Variants in TNIK observed in about 807,000 individuals in gnomAD.
TNIK encodes TRAF2 and NCK interacting kinase.
A neutral mutation model predicts 191.3 loss-of-function variants in TNIK; 49 were observed. That is an observed-to-expected ratio of 0.26 (90% CI 0.20 to 0.32). The LOEUF is 0.32. Among genes scored for constraint, TNIK ranks in the 10% least tolerant of loss-of-function variants. The pLI, the probability that TNIK is intolerant of heterozygous loss-of-function variation, is 1.00. For missense variants in TNIK, 1,155 were observed against 1,702.3 expected (o/e 0.68, Z 5.66); for synonymous variants, 594 against 600.9 (o/e 0.99, Z 0.17).
intron 10 of TNIK, among the ~76,000 whole-genome samples, chr3:171,163,612 A>C (rs367941170): frequency 2.8e-4 from 42 of 152,356 alleles, no homozygotes; most frequent in African/African-American, 1.0e-3. Context: ...TGCATAAAGC[A>C]TTTTAATACT....
intron 1 of TNIK, among the ~76,000 whole-genome samples, chr3:171,452,175 C>G (rs1728244387): frequency 6.6e-6 from 1 of 152,132 alleles, no homozygotes; most frequent in Non-Finnish European, 1.5e-5. Flanking sequence ...TCTTCAAAAA[C>G]TAGAACAACA....
chr3:171,267,196 T>C (rs1748502406), intron 2 of TNIK, among the ~76,000 whole-genome samples: 1 of 152,180 alleles, frequency 6.6e-6, no homozygotes, highest in Non-Finnish European at 1.5e-5. Flanking sequence ...TGAGTCACGG[T>C]AGAAGAACTG....
chr3:171,109,357 A>G (rs1354693771), intron 19 of TNIK, among the ~76,000 whole-genome samples: 2 of 152,212 alleles, frequency 1.3e-5, no homozygotes, highest in Non-Finnish European at 2.9e-5. Context: ...TTATATTTCG[A>G]TCAAGGCAAC....
intron 9 of TNIK, among the ~76,000 whole-genome samples, chr3:171,168,598 T>G (rs774729021): frequency 4.6e-5 from 7 of 152,210 alleles, no homozygotes. Context: ...TTTTCCGCTC[T>G]AAATTTCTAA....
At chr3:171,259,818 G>T (rs1462470896) in intron 2 of TNIK, among the ~76,000 whole-genome samples, 2 of 152,104 alleles carry the variant, frequency 1.3e-5, no homozygotes, top group African/African-American at 4.8e-5. Context: ...CTCACCCAGT[G>T]CTCTTCAAGA....
chr3:171,304,314 C>A lies in TNIK; in HGVS notation c.123+65306G>T, dbSNP rs141895200. ...GCAAATCAAAACCACAATGAGATAC[C>A]ATCTCACACCAGTTAGAATGGCGAT... On this transcript the variant is annotated intron_variant, in intron 2 of 32. Transcript: ENST00000436636. 2.6e-5 allele frequency among the ~76,000 whole-genome samples: 4 copies of A among 152,114 alleles called. No homozygotes were observed. In the South Asian group the frequency reaches 8.3e-4, roughly 32 times the overall value.
chr3:171,170,592 G>C (rs1735142891), intron 9 of TNIK, among the ~76,000 whole-genome samples: 2 of 152,282 alleles, frequency 1.3e-5, no homozygotes, highest in Admixed American at 1.3e-4. Flanking sequence ...TATGATAAGT[G>C]AATTAATTCA....
At chr3:171,319,104 G>A (rs780996770) in intron 2 of TNIK, among the ~76,000 whole-genome samples, 2 of 152,094 alleles carry the variant, frequency 1.3e-5, no homozygotes, top group Non-Finnish European at 2.9e-5. Context: ...TCTGGAGCCC[G>A]GGATTTCGAA....
chr3:171,350,666 T>A (rs77311420), intron 2 of TNIK, among the ~76,000 whole-genome samples: 3,054 of 147,192 alleles, frequency 0.021, 119 homozygotes, highest in African/African-American at 0.074. Context: ...TAACAGAGTA[T>A]ACTGCATACA....
intron 2 of TNIK, among the ~76,000 whole-genome samples, chr3:171,262,854 G>GGTTTAAGGGGTGGTTGTGA (rs1747816663): frequency 6.6e-6 from 1 of 152,158 alleles, no homozygotes; most frequent in Non-Finnish European, 1.5e-5. Context: ...GCAAGTGACT[G>GGTTTAAGGGGTGGTTGTGA]GTTTAAGGGG....
chr3:171,353,981 T>C (rs75722052), intron 2 of TNIK, among the ~76,000 whole-genome samples: 2,058 of 152,250 alleles, frequency 0.014, 50 homozygotes, highest in African/African-American at 0.047. Context: ...AGGTGTATGT[T>C]AGTATAAAGT....
chr3:171,133,075 A>G (rs960427565), intron 15 of TNIK, among the ~76,000 whole-genome samples: 1 of 152,224 alleles, frequency 6.6e-6, no homozygotes, highest in Non-Finnish European at 1.5e-5. Context: ...ATGGTTACTG[A>G]GCAAGTTTGA....
chr3:171,394,952 G>A (rs1720033944), intron 1 of TNIK, among the ~76,000 whole-genome samples: 1 of 152,066 alleles, frequency 6.6e-6, no homozygotes, highest in Non-Finnish European at 1.5e-5. Context: ...AAAACTCCGG[G>A]GAAATACGTC....
Position 171,263,378 on chromosome 3 carries a change from G to A in TNIK, c.124-35157C>T, listed in dbSNP as rs1231485809. On this transcript the variant is annotated intron_variant, in intron 2 of 32. Transcript: ENST00000436636. Reference sequence around the variant, plus strand: ...TGGAATAAATCAAGAATCAGAGCAGGTTAAGGAAGGGCATTAGGAGAAATA... The same window carrying A: ...TGGAATAAATCAAGAATCAGAGCAGATTAAGGAAGGGCATTAGGAGAAATA... Among the ~76,000 whole-genome samples the A allele has an allele frequency of 2.0e-5, 3 of 152,192 alleles. No homozygotes were observed. The East Asian group carries it at 5.8e-4, about 29-fold the overall frequency.
intron 9 of TNIK, among the ~76,000 whole-genome samples, chr3:171,167,744 A>C (rs1734778924): frequency 6.6e-6 from 1 of 152,188 alleles, no homozygotes. Context: ...TGAGCCACTT[A>C]AATAAGGCAG....
intron 2 of TNIK, among the ~76,000 whole-genome samples, chr3:171,326,981 A>G (rs1180543692): frequency 6.6e-6 from 1 of 151,760 alleles, no homozygotes; most frequent in Admixed American, 6.6e-5. Flanking sequence ...GCCCCTGAAA[A>G]CCCCTGCTGC....
intron 2 of TNIK, among the ~76,000 whole-genome samples, chr3:171,351,634 T>G (rs1713229858): frequency 6.6e-6 from 1 of 152,070 alleles, no homozygotes; most frequent in African/African-American, 2.4e-5. Flanking sequence ...TTTGTAAGAG[T>G]TGGGAGGAAA....
intron 1 of TNIK, among the ~76,000 whole-genome samples, chr3:171,381,085 A>T (rs1038312389): frequency 4.6e-5 from 7 of 151,842 alleles, no homozygotes; most frequent in African/African-American, 1.7e-4. Context: ...TTTTATATCT[A>T]TGGCTAGGCC....
chr3:171,119,667 CCAT>C (rs1483793259), intron 18 of TNIK, among the ~76,000 whole-genome samples: 1 of 151,524 alleles, frequency 6.6e-6, no homozygotes, highest in Non-Finnish European at 1.5e-5. Flanking sequence ...AAGCTGGAAA[CCAT>C]CATTCTCAGC....
Sources: gnomAD v4.1 joint callset for allele counts (sites outside exome capture counted in the v4.1 genomes callset) on GRCh38, gnomAD v4.1.1 for gene constraint, MANE v1.5 for transcripts, NCBI Gene and HGNC (gene_info 2026-07-23, HGNC 2026-07-21) for gene names.